The following ZNF445 variants were observed in gnomAD, a reference collection of about 807,000 sequenced individuals.
The protein encoded by ZNF445 is zinc finger protein 168.
A neutral mutation model predicts 93.9 loss-of-function variants in ZNF445; 19 were observed. The observed-to-expected ratio is 0.20, with a 90% CI of 0.14 to 0.30. The LOEUF (loss-of-function observed/expected upper bound fraction) is 0.30. Among genes scored for constraint, ZNF445 ranks in the 10% least tolerant of loss-of-function variants. The pLI, the probability that ZNF445 is intolerant of heterozygous loss-of-function variation, is 1.00. For missense variants in ZNF445, 1,058 were observed against 1,259.4 expected (o/e 0.84, Z 2.42); for synonymous variants, 449 against 446.3 (o/e 1.01, Z -0.08).
chr3:44,453,387 C>G (rs888526002), intron 3 of ZNF445, among the ~76,000 whole-genome samples: 7 of 150,220 alleles, frequency 4.7e-5, no homozygotes, highest in African/African-American at 1.5e-4. Context: ...CTCCACCTTC[C>G]AGGTTCAAGC....
At chr3:44,473,909 ACT>A (rs1210283073) in intron 1 of ZNF445, among the ~76,000 whole-genome samples, 1 of 152,174 alleles carries the variant, frequency 6.6e-6, no homozygotes, top group Non-Finnish European at 1.5e-5. Flanking sequence ...AGAAGGGATA[ACT>A]CTTCCTCACA....
At chr3:44,456,309 C>T (rs1463932399) in intron 2 of ZNF445, among the ~76,000 whole-genome samples, 1 of 152,024 alleles carries the variant, frequency 6.6e-6, no homozygotes, top group Non-Finnish European at 1.5e-5. Context: ...CCCAGCTACT[C>T]AGGAAGCTGA....
At chr3:44,464,041 G>A (rs766419378) in intron 1 of ZNF445, among the ~76,000 whole-genome samples, 1 of 152,100 alleles carries the variant, frequency 6.6e-6, no homozygotes, top group Non-Finnish European at 1.5e-5. Flanking sequence ...CAGGACAATC[G>A]CTTGAACCTG....
chr3:44,447,911 T>A lies in ZNF445; in HGVS notation c.1760A>T (p.His587Leu). 1 of 1,613,862 alleles carries A rather than the reference T, an allele frequency of 6.2e-7. No homozygotes were observed. The highest frequency in any genetic ancestry group is 8.5e-7 in the Non-Finnish European group (1 of 1,180,012). Reference protein sequence around the residue: ...ALTYSSGFDHHLGDQSGEKLF... With the variant: ...ALTYSSGFDHLLGDQSGEKLF... ...TTTCTCCCCACTTTGGTCTCCCAAATGATGATCAAACCCTGAGCTGTAGGT... is the reference window on the plus strand; with the variant it reads ...TTTCTCCCCACTTTGGTCTCCCAAAAGATGATCAAACCCTGAGCTGTAGGT... The change falls in exon 8 of 8, where the codon CAT becomes CTT. Residue 587 changes from histidine (H) to leucine (L), a missense_variant. By Grantham distance (99) the His-to-Leu change is moderately conservative. Around this residue, in one of 3 missense-constraint regions of ZNF445, gnomAD observed 657 missense variants for 746.4 expected, o/e 0.88. Transcript: ENST00000396077. This position sits in a 1 kb window ranked among gnomAD's most constrained non-coding sequence, Gnocchi z 4.7.
At chr3:44,452,044 A>C (rs1455516722) in intron 3 of ZNF445, among the ~76,000 whole-genome samples, 1 of 152,206 alleles carries the variant, frequency 6.6e-6, no homozygotes, top group East Asian at 1.9e-4. Flanking sequence ...TCAGCCATGG[A>C]ACCATAGAAG....
At position 44,451,357 on chromosome 3, in the gene ZNF445, A is replaced by T. The variant is rs141666242; in HGVS notation, c.555T>A (p.Pro185=). 9 of 1,614,004 alleles carry T rather than the reference A, an allele frequency of 5.6e-6. No homozygotes were observed. Among genetic ancestry groups the T allele is most frequent in the Admixed American group, 1.7e-5 (1 of 59,998 alleles). Reference sequence around the variant, plus strand: ...AGTCACGTGCTTCTATTTCATAGGGAGGCTCCAGGTGGTCCCCCAGAGCAG... The same window carrying T: ...AGTCACGTGCTTCTATTTCATAGGGTGGCTCCAGGTGGTCCCCCAGAGCAG... The part of the protein sequence containing the change: ...SSSALGDHLE[P]PYEIEARDFL... The change falls in exon 4 of 8, where the codon CCT becomes CCA. Residue 185 remains proline, a synonymous_variant. Coordinates refer to ENST00000396077, the MANE Select transcript of ZNF445 (RefSeq NM_181489.6).
At chr3:44,454,269 CT>C (rs1697994867) in intron 3 of ZNF445, among the ~76,000 whole-genome samples, 1 of 151,918 alleles carries the variant, frequency 6.6e-6, no homozygotes, top group African/African-American at 2.4e-5. Flanking sequence ...GAGCGCTCTT[CT>C]GAGTTTTAAC....
chr3:44,468,967 G>T (rs1230415859), intron 1 of ZNF445, among the ~76,000 whole-genome samples: 1 of 150,588 alleles, frequency 6.6e-6, no homozygotes, highest in Non-Finnish European at 1.5e-5. Flanking sequence ...TTATAAAAGT[G>T]TAGCATTTGG....
chr3:44,476,369 C>CA (rs112123673), intron 1 of ZNF445, among the ~76,000 whole-genome samples: 1 of 148,438 alleles, frequency 6.7e-6, no homozygotes, highest in Non-Finnish European at 1.5e-5. Flanking sequence ...TACAGTAAGA[C>CA]TTTTTTTTTT....
rs1418661108 is a variant in ZNF445 at position 44,431,945 on chromosome 3, GCT to G, written c.*14628_*14629del. On this transcript the variant is annotated 3_prime_UTR_variant, in exon 8 of 8. Transcript: ENST00000396077. ...TTTTTTATTTTTTTGAGACAGGGTC[GCT>G]CTGTCTTCTGGGCACCATTTCAGCT... 6.6e-6 allele frequency: 1 copy of G among 151,964 alleles called. No individual in the cohort carries two copies. Among genetic ancestry groups the G allele is most frequent in the Non-Finnish European group, 1.5e-5 (1 of 67,990 alleles). The allele number at this position is 151,964 out of a possible 1,614,324, so 9.4% of individuals were successfully genotyped here. A position where few individuals can be genotyped will look rare whatever the true frequency, so the allele number is the denominator to read the frequency against.
intron 1 of ZNF445, among the ~76,000 whole-genome samples, chr3:44,460,659 T>C (rs151222286): frequency 6.6e-6 from 1 of 152,122 alleles, no homozygotes; most frequent in East Asian, 1.9e-4. Flanking sequence ...CTCACTGGCT[T>C]CCCCCCATCC....
In ZNF445 at chr3:44,447,729, C is replaced by T. The variant is rs781406590; in HGVS notation, c.1942G>A (p.Glu648Lys). The T allele has an allele frequency of 1.9e-6, 3 of 1,614,192 alleles. No individual in the cohort carries two copies. The highest frequency in any genetic ancestry group is 2.2e-5 in the South Asian group (2 of 91,088). Reference protein sequence around the residue: ...SNFTRHMRLHEEEKFYKQDEC... With the variant: ...SNFTRHMRLHKEEKFYKQDEC... ...TCTTGTTTGTAGAATTTTTCCTCCT[C>T]ATGCAACCTCATATGACGAGTAAAG... The change falls in exon 8 of 8, where the codon GAG becomes AAG. Residue 648 changes from glutamate to lysine, a missense_variant. By Grantham distance (56) the Glu-to-Lys change is moderately conservative. Transcript: ENST00000396077. The surrounding 1 kb of genome is among the most constrained non-coding windows in gnomAD (Gnocchi z 4.7).
chr3:44,464,541 G>C (rs1326584727), intron 1 of ZNF445, among the ~76,000 whole-genome samples: 1 of 152,130 alleles, frequency 6.6e-6, no homozygotes, highest in Non-Finnish European at 1.5e-5. Context: ...TCTTTTAGAA[G>C]ACAGTTTTAA....
At chr3:44,461,166 C>A (rs1698109581) in intron 1 of ZNF445, among the ~76,000 whole-genome samples, 1 of 152,146 alleles carries the variant, frequency 6.6e-6, no homozygotes, top group Non-Finnish European at 1.5e-5. Context: ...CTTCTCCCAG[C>A]AGCTTCTGTA....
intron 1 of ZNF445, among the ~76,000 whole-genome samples, chr3:44,463,447 A>C (rs557626196): frequency 4.0e-4 from 61 of 152,324 alleles, no homozygotes; most frequent in African/African-American, 1.4e-3. Flanking sequence ...GGGGGAAACA[A>C]ACAAACAAAC....
intron 3 of ZNF445, 83 bp from the exon 4 acceptor site, chr3:44,451,565 G>T: frequency 6.8e-7 from 1 of 1,467,310 alleles, no homozygotes; most frequent in Non-Finnish European, 9.3e-7. Context: ...ACCAATCTCT[G>T]AAGGACAAAG....
In ZNF445 at chr3:44,439,118, T is replaced by A. The variant is rs556227925; in HGVS notation, c.*7457A>T. The stretch of plus-strand genomic sequence containing the variant: ...TTGAGGTCAGGAGTTCAAGACCAGC[T>A]TGGGCAACATGGCCAAACCTTGTCT... On this transcript the variant is annotated 3_prime_UTR_variant, in exon 8 of 8. Coordinates refer to ENST00000396077, the MANE Select transcript of ZNF445 (RefSeq NM_181489.6). 2.0e-5 allele frequency: 3 copies of A among 151,668 alleles called. No individual in the cohort carries two copies. The highest frequency in any genetic ancestry group is 2.0e-4 in the Admixed American group (3 of 15,238). The allele number at this position is 151,668 out of a possible 1,614,324, so 9.4% of individuals were successfully genotyped here. A position where few individuals can be genotyped will look rare whatever the true frequency, so the allele number is the denominator to read the frequency against.
Position 44,446,815 on chromosome 3 carries a change from G to C in ZNF445, c.2856C>G (p.Leu952=). The change falls in exon 8 of 8, where the codon CTC becomes CTG. Residue 952 remains leucine, a synonymous_variant. Coordinates refer to ENST00000396077, the MANE Select transcript of ZNF445 (RefSeq NM_181489.6). This position sits in a 1 kb window ranked among gnomAD's most constrained non-coding sequence, Gnocchi z 4.2. ...QKLKPSEEMP[L]EDCKEACSQS... is the part of the protein sequence containing the mutation. Reference sequence around the variant, plus strand: ...GGCTGCAAGCTTCTTTGCAGTCTTCGAGGGGCATCTCTTCACTTGGTTTTA... The same window carrying C: ...GGCTGCAAGCTTCTTTGCAGTCTTCCAGGGGCATCTCTTCACTTGGTTTTA... 6.2e-7 allele frequency: 1 copy of C among 1,614,096 alleles called. No individual in the cohort carries two copies. The highest frequency in any genetic ancestry group is 2.2e-5 in the East Asian group (1 of 44,880).
chr3:44,452,916 CT>C (rs60163197), intron 3 of ZNF445, among the ~76,000 whole-genome samples: 1,918 of 134,286 alleles, frequency 0.014, 25 homozygotes, highest in African/African-American at 0.045. Flanking sequence ...TTTCAGAAAT[CT>C]TTTTTTTTTT....
Sources: allele counts gnomAD v4.1 joint callset (sites outside exome capture counted in the v4.1 genomes callset), GRCh38; gene constraint gnomAD v4.1.1; regional missense constraint gnomAD v4.1.1; non-coding constraint Gnocchi (gnomAD v3.1); transcripts MANE v1.5; gene names NCBI Gene and HGNC (gene_info 2026-07-23, HGNC 2026-07-21).